The following ANKS3 variants were observed in gnomAD, a reference collection of about 807,000 sequenced individuals.
ANKS3 encodes the protein ankyrin repeat and SAM domain-containing protein 3.
A neutral mutation model predicts 80.7 loss-of-function variants in ANKS3; 62 were observed. The observed-to-expected ratio is 0.77, with a 90% CI of 0.63 to 0.95. ANKS3 has a LOEUF of 0.95. Among genes scored for constraint, ANKS3 ranks in the 40% least tolerant of loss-of-function variants. The pLI is 0.00. For synonymous variants in ANKS3, 489 were observed against 355.3 expected (o/e 1.38, Z -4.23); for missense variants, 1,150 against 883.6 (o/e 1.30, Z -3.82).
intron 7 of ANKS3, among the ~76,000 whole-genome samples, chr16:4,710,726 T>C (rs541479617): frequency 6.6e-6 from 1 of 152,192 alleles, no homozygotes; most frequent in East Asian, 1.9e-4. Flanking sequence ...TAAATCAATA[T>C]TTTCCATGCC....
At chr16:4,701,838 G>C (rs953214674) in intron 9 of ANKS3, 18 of 501,282 alleles carry the variant, frequency 3.6e-5, no homozygotes, top group Non-Finnish European at 5.6e-5. Flanking sequence ...ATTCCTACTG[G>C]GGCCTGCCCT....
chr16:4,696,574 T>G lies in ANKS3; in HGVS notation c.*334A>C, dbSNP rs1324591284. ...TTCCAGGTGCCCCAGTCCTCATTCCTAAGGTCCCACCTCAGTTGGCACCTG... is the reference window on the plus strand; with the variant it reads ...TTCCAGGTGCCCCAGTCCTCATTCCGAAGGTCCCACCTCAGTTGGCACCTG... On this transcript the variant is annotated 3_prime_UTR_variant, in exon 18 of 18. Coordinates refer to ENST00000304283, the MANE Select transcript of ANKS3 (RefSeq NM_133450.4). 1 of 186,800 alleles carries G rather than the reference T, an allele frequency of 5.4e-6. No individual in the cohort carries two copies. The highest frequency in any genetic ancestry group is 5.6e-5 in the Admixed American group (1 of 17,988). 11.6% of individuals were successfully genotyped at this position (186,800 alleles called of 1,614,324 possible).
Position 4,727,276 on chromosome 16 carries a change from G to A in ANKS3, c.171-99C>T. ...CTAGGCCAGGCGGGATGAGTTGACAGGAAGCAGAAGTTATCTGCCACCCTG... is the reference window on the plus strand; with the variant it reads ...CTAGGCCAGGCGGGATGAGTTGACAAGAAGCAGAAGTTATCTGCCACCCTG... On this transcript the variant is annotated intron_variant, in intron 3 of 17. Coordinates refer to ENST00000304283, the MANE Select transcript of ANKS3 (RefSeq NM_133450.4). 1.1e-5 allele frequency: 14 copies of A among 1,250,528 alleles called. No homozygotes were observed. The South Asian group carries it at 1.8e-4, about 16-fold the overall frequency. 77.5% of individuals were successfully genotyped at this position (1,250,528 alleles called of 1,614,324 possible). A position where few individuals can be genotyped will look rare whatever the true frequency, so the allele number is the denominator to read the frequency against.
In ANKS3 at chr16:4,720,646, A is replaced by C. The variant is rs145401161; in HGVS notation, c.573+4104T>G. ...TATGTGCTTAAAAAGACGTGTAAGA[A>C]ATGTCAACGGTAGGCCAGGCGCAGT... is the stretch of plus-strand genomic sequence containing the variant. On this transcript the variant is annotated intron_variant, in intron 6 of 17. Coordinates refer to ENST00000304283, the MANE Select transcript of ANKS3 (RefSeq NM_133450.4). Among the ~76,000 whole-genome samples the C allele has an allele frequency of 4.4e-3, 671 of 151,440 alleles. 7 individuals carry two copies. Among genetic ancestry groups the C allele is most frequent in the African/African-American group, 0.015 (639 of 41,472 alleles).
chr16:4,701,126 ATCCGAG>A lies in ANKS3; in HGVS notation c.1122_1127del (p.Ser375_Asp376del). The A allele has an allele frequency of 1.2e-6, 2 of 1,613,850 alleles. No individual in the cohort carries two copies. The highest frequency in any genetic ancestry group is 1.7e-6 in the Non-Finnish European group (2 of 1,180,032). ...TGCGAGCTGAGCTTTTACAGGCATGATCCGAGTCCTGCAGTGAGAGGCGTGCATCTG... is the reference window on the plus strand; with the variant it reads ...TGCGAGCTGAGCTTTTACAGGCATGATCCTGCAGTGAGAGGCGTGCATCTG... On this transcript the variant is annotated inframe_deletion and splice_region_variant, in exon 11 of 18. Transcript: ENST00000304283.
intron 7 of ANKS3, among the ~76,000 whole-genome samples, chr16:4,707,878 A>G (rs868238853): frequency 6.6e-6 from 1 of 152,096 alleles, no homozygotes; most frequent in African/African-American, 2.4e-5. Context: ...TGGGAGGCCG[A>G]GGTGGGCGGA....
rs1482502386 is a variant in ANKS3, at chr16:4,727,058, A to G, written c.290T>C (p.Val97Ala). Residue 97 changes from valine to alanine, a missense_variant, in exon 4 of 18, where the codon GTG (valine) becomes GCG (alanine). Transcript: ENST00000304283. Reference sequence around the variant, plus strand: ...TGGAGTCTGCCCTTCTGGGGTCGGCACATTCACACTCACCCCCGCCTCAAG... The same window carrying G: ...TGGAGTCTGCCCTTCTGGGGTCGGCGCATTCACACTCACCCCCGCCTCAAG... ...LLLEAGVSVN[V>A]PTPEGQTPLM... 6.2e-7 allele frequency: 1 copy of G among 1,614,094 alleles called. No homozygotes were observed. The highest frequency in any genetic ancestry group is 1.3e-5 in the African/African-American group (1 of 74,930).
At chr16:4,720,105 T>G (rs1173684608) in intron 6 of ANKS3, among the ~76,000 whole-genome samples, 2 of 134,204 alleles carry the variant, frequency 1.5e-5, no homozygotes, top group African/African-American at 5.7e-5. Context: ...GAAGTTGCAC[T>G]GAGCTGAGAT....
chr16:4,698,437 C>G lies in ANKS3; in HGVS notation c.1714G>C (p.Asp572His). 1 of 1,527,642 alleles carries G rather than the reference C, an allele frequency of 6.5e-7. No homozygotes were observed. Among genetic ancestry groups the G allele is most frequent in the Non-Finnish European group, 8.7e-7 (1 of 1,143,398 alleles). 94.6% of individuals were successfully genotyped at this position (1,527,642 alleles called of 1,614,324 possible). A position where few individuals can be genotyped will look rare whatever the true frequency, so the allele number is the denominator to read the frequency against. The change falls in exon 14 of 18, where the codon GAC becomes CAC. Residue 572 changes from aspartate (D) to histidine (H), a missense_variant. Coordinates refer to ENST00000304283, the MANE Select transcript of ANKS3 (RefSeq NM_133450.4). ...CTCAGAGCCACTCACCGCAGCTGGT[C>G]CAGGACGAGGGCAGCATCCCGGGCC... The part of the protein sequence containing the change: ...ALARDAALVL[D>H]QLRACQAELS...
chr16:4,727,440 C>G, intron 3 of ANKS3: 1 of 545,748 alleles, frequency 1.8e-6, no homozygotes, highest in East Asian at 3.2e-5. Flanking sequence ...CTCTTTCACA[C>G]CACCAGATAG....
chr16:4,733,588 G>A (rs997378208), intron 1 of ANKS3, among the ~76,000 whole-genome samples: 3 of 152,032 alleles, frequency 2.0e-5, no homozygotes, highest in Non-Finnish European at 4.4e-5. Flanking sequence ...GAGCCACCGC[G>A]CCCGGCTGCA....
At chr16:4,707,560 G>A (rs2080265587) in intron 7 of ANKS3, among the ~76,000 whole-genome samples, 1 of 152,090 alleles carries the variant, frequency 6.6e-6, no homozygotes, top group African/African-American at 2.4e-5. Context: ...CGGATTACAG[G>A]TATGGGCCAT....
Position 4,698,047 on chromosome 16 carries a change from C to T in ANKS3, c.1740G>A (p.Glu580=), listed in dbSNP as rs1312925264. 1 of 1,609,046 alleles carries T rather than the reference C, an allele frequency of 6.2e-7. No individual in the cohort carries two copies. Among genetic ancestry groups the T allele is most frequent in the Non-Finnish European group, 8.5e-7 (1 of 1,178,506 alleles). The part of the protein sequence containing the change: ...VLDQLRACQA[E]LSSRVRQDQP... ...GGTCCTGCCTCACTCGAGATGACAGCTCAGCTTGACAGGCTCTGCCAGACA... is the reference window on the plus strand; with the variant it reads ...GGTCCTGCCTCACTCGAGATGACAGTTCAGCTTGACAGGCTCTGCCAGACA... Residue 580 remains glutamate, a synonymous_variant, in exon 15 of 18, where the codon GAG becomes GAA. Transcript: ENST00000304283.
At position 4,701,640 on chromosome 16, in the gene ANKS3, T is replaced by C. The variant is rs942605717; in HGVS notation, c.1010-97A>G. The C allele has an allele frequency of 4.8e-6, 5 of 1,045,074 alleles. No homozygotes were observed. The African/African-American group carries it at 8.0e-5, about 17-fold the overall frequency. The allele number at this position is 1,045,074 out of a possible 1,614,324, so 64.7% of individuals were successfully genotyped here. On this transcript the variant is annotated intron_variant, in intron 9 of 17. Coordinates refer to ENST00000304283, the MANE Select transcript of ANKS3 (RefSeq NM_133450.4). ...GAGCCGCCTCCACCAGGGCACTCCT[T>C]GGGGCCTGCAGCGGTTGCTTCCTTA... is the stretch of plus-strand genomic sequence containing the variant.
intron 6 of ANKS3, among the ~76,000 whole-genome samples, chr16:4,715,919 A>G (rs2080770161): frequency 6.6e-6 from 1 of 152,116 alleles, no homozygotes; most frequent in Non-Finnish European, 1.5e-5. Flanking sequence ...CATTCAGCAT[A>G]GTGAGAATCA....
At chr16:4,697,537 C>G in intron 15 of ANKS3, 121 bp from the exon 16 acceptor site, 1 of 814,446 alleles carries the variant, frequency 1.2e-6, no homozygotes. Context: ...ACCCGCCTGA[C>G]AGTGTCTAAG....
intron 8 of ANKS3, 136 bp from the exon 9 acceptor site, chr16:4,702,378 A>G (rs1213562019): frequency 3.2e-6 from 3 of 932,094 alleles, no homozygotes; most frequent in East Asian, 6.6e-5. Flanking sequence ...GCATGGCTCT[A>G]TCTGTGGTGT....
chr16:4,699,318 T>C, intron 11 of ANKS3, 142 bp from the exon 12 acceptor site: 2 of 1,191,094 alleles, frequency 1.7e-6, no homozygotes, highest in African/African-American at 1.5e-5. Flanking sequence ...TGTCCCCTCC[T>C]ACTCTGGTGG....
chr16:4,707,811 C>A (rs1327989141), intron 7 of ANKS3, among the ~76,000 whole-genome samples: 1 of 152,034 alleles, frequency 6.6e-6, no homozygotes, highest in African/African-American at 2.4e-5. Context: ...ACACGGAACA[C>A]TAAAAAATAT....
Sources: allele counts gnomAD v4.1 joint callset (sites outside exome capture counted in the v4.1 genomes callset), GRCh38; gene constraint gnomAD v4.1.1; transcripts MANE v1.5; gene names NCBI Gene and HGNC (gene_info 2026-07-23, HGNC 2026-07-21).